Variants in KCNIP1 observed in about 807,000 individuals in gnomAD.
KCNIP1 encodes the protein potassium voltage-gated channel interacting protein 1, also known as A-type potassium channel modulatory protein KCNIP1.
Under a neutral mutation model 33.0 loss-of-function variants are expected in KCNIP1, and 18 were observed. That is an observed-to-expected ratio of 0.55 (90% CI 0.38 to 0.81). The LOEUF (loss-of-function observed/expected upper bound fraction) is 0.81. KCNIP1 is among the 30% of genes least tolerant of loss of function. The pLI, the probability that KCNIP1 is intolerant of heterozygous loss-of-function variation, is 0.00. For missense variants in KCNIP1, 238 were observed against 271.6 expected (o/e 0.88, Z 0.87); for synonymous variants, 93 against 98.3 (o/e 0.95, Z 0.32).
intron 1 of KCNIP1, among the ~76,000 whole-genome samples, chr5:170,634,756 G>T (rs542817211): frequency 1.3e-5 from 2 of 152,322 alleles, no homozygotes; most frequent in Non-Finnish European, 1.5e-5. Context: ...TGTCCTGAAA[G>T]CCAAAAAGAG....
chr5:170,383,680 T>A, intron 1 of KCNIP1: 1 of 1,614,128 alleles, frequency 6.2e-7, no homozygotes, highest in South Asian at 1.1e-5. Context: ...GTTCAGTACC[T>A]GCTGGTTCTG....
chr5:170,506,499 A>G (rs1162383171), intron 1 of KCNIP1, among the ~76,000 whole-genome samples: 1 of 152,132 alleles, frequency 6.6e-6, no homozygotes, highest in East Asian at 1.9e-4. Context: ...AAGAGCTCAG[A>G]CATTGCTGTC....
intron 1 of KCNIP1, chr5:170,383,870 G>A (rs1304177598): frequency 6.2e-7 from 1 of 1,612,156 alleles, no homozygotes; most frequent in South Asian, 1.1e-5. Context: ...CCACACACAT[G>A]CACACATACA....
chr5:170,395,581 G>T (rs1754738201), intron 1 of KCNIP1, among the ~76,000 whole-genome samples: 1 of 152,198 alleles, frequency 6.6e-6, no homozygotes, highest in Admixed American at 6.5e-5. Flanking sequence ...CATTTTTCAT[G>T]AATGGACAGG....
At chr5:170,390,517 A>AAAAAAAAAAAAATATATATATAT in intron 1 of KCNIP1, among the ~76,000 whole-genome samples, 1,046 of 73,414 alleles carry the variant, frequency 0.014, 93 homozygotes, top group Non-Finnish European at 0.022. Flanking sequence ...AAAAAAAACA[A>AAAAAAAAAAAAATATATATATAT]ATATATATAT....
At chr5:170,522,023 C>T (rs1755380740) in intron 1 of KCNIP1, among the ~76,000 whole-genome samples, 1 of 152,184 alleles carries the variant, frequency 6.6e-6, no homozygotes. Context: ...CTTGGAGAAG[C>T]ACATGATATA....
At chr5:170,560,548 G>C (rs894586419) in intron 1 of KCNIP1, among the ~76,000 whole-genome samples, 2 of 152,144 alleles carry the variant, frequency 1.3e-5, no homozygotes, top group African/African-American at 4.8e-5. Context: ...TCACACAGCA[G>C]TGTTGTGCCC....
At chr5:170,499,576 A>G (rs1017975075), upstream of KCNIP1, among the ~76,000 whole-genome samples, 1 of 152,216 alleles carries the variant, frequency 6.6e-6, no homozygotes, top group African/African-American at 2.4e-5. Flanking sequence ...GCAGCCTCCC[A>G]AATTAATGCT....
chr5:170,504,524 G>A lies in KCNIP1; in HGVS notation c.-49G>A. Reference sequence around the variant, plus strand: ...CCACGGGGATTTCTTTCCAGGGTAGGGGAGGGGCCGGGCCCGGGGTCCCAA... The same window carrying A: ...CCACGGGGATTTCTTTCCAGGGTAGAGGAGGGGCCGGGCCCGGGGTCCCAA... On this transcript the variant is annotated 5_prime_UTR_variant, in exon 1 of 8. Transcript: ENST00000328939. The surrounding 1 kb of genome is among the most constrained non-coding windows in gnomAD (Gnocchi z 6.0). The A allele has an allele frequency of 6.2e-7, 1 of 1,610,340 alleles. No homozygotes were observed.
intron 1 of KCNIP1, among the ~76,000 whole-genome samples, chr5:170,635,915 G>A (rs547467954): frequency 2.9e-4 from 44 of 152,322 alleles, no homozygotes; most frequent in Admixed American, 1.6e-3. Context: ...GGTGCAGGTG[G>A]CAGTGGCAGG....
intron 1 of KCNIP1, among the ~76,000 whole-genome samples, chr5:170,470,465 C>T (rs1274366940): frequency 2.0e-5 from 3 of 152,036 alleles, no homozygotes; most frequent in African/African-American, 7.2e-5. Context: ...TCTGCCCACC[C>T]GGCACAGTGC....
At position 170,379,067 on chromosome 5, in the gene KCNIP1, G is replaced by T. The variant is rs1202766291; in HGVS notation, c.88+25103G>T. On this transcript the variant is annotated intron_variant, in intron 1 of 7. Coordinates refer to the KCNIP1 transcript ENST00000377360. ...AGTAAAGAAAAATACCAGCTTTGTAGTCGGGCCCCTGGATTGGAGTCGGGG... is the reference window on the plus strand; with the variant it reads ...AGTAAAGAAAAATACCAGCTTTGTATTCGGGCCCCTGGATTGGAGTCGGGG... The T allele has an allele frequency of 7.5e-6, 11 of 1,457,290 alleles. No homozygotes were observed. The African/African-American group carries it at 9.9e-5, about 13-fold the overall frequency. The allele number at this position is 1,457,290 out of a possible 1,614,324, so 90.3% of individuals were successfully genotyped here. A position where few individuals can be genotyped will look rare whatever the true frequency, so the allele number is the denominator to read the frequency against.
At chr5:170,573,167 T>C (rs1401488513) in intron 1 of KCNIP1, among the ~76,000 whole-genome samples, 1 of 152,200 alleles carries the variant, frequency 6.6e-6, no homozygotes, top group Non-Finnish European at 1.5e-5. Flanking sequence ...ACAATTTCTT[T>C]TGCAGAAACT....
At chr5:170,579,008 G>A (rs555401648) in intron 1 of KCNIP1, among the ~76,000 whole-genome samples, 2 of 152,306 alleles carry the variant, frequency 1.3e-5, no homozygotes, top group African/African-American at 2.4e-5. Flanking sequence ...AATGGCAGGA[G>A]TAAGTGTATC....
chr5:170,430,300 G>A (rs946478748), intron 1 of KCNIP1, among the ~76,000 whole-genome samples: 58 of 152,168 alleles, frequency 3.8e-4, no homozygotes, highest in Non-Finnish European at 6.3e-4. Flanking sequence ...ATTTATGGTC[G>A]GGGCCACATG....
intron 1 of KCNIP1, among the ~76,000 whole-genome samples, chr5:170,672,898 A>T (rs1020457583): frequency 6.6e-6 from 1 of 152,256 alleles, no homozygotes; most frequent in African/African-American, 2.4e-5. Context: ...GGTGAAACAG[A>T]TGGATAGCAA....
At chr5:170,594,881 C>T (rs978271579) in intron 1 of KCNIP1, among the ~76,000 whole-genome samples, 5 of 152,174 alleles carry the variant, frequency 3.3e-5, no homozygotes, top group African/African-American at 1.2e-4. Flanking sequence ...AAAGTAGGGC[C>T]TTCCACGGTG....
intron 1 of KCNIP1, among the ~76,000 whole-genome samples, chr5:170,609,690 T>C (rs1460465221): frequency 1.3e-5 from 2 of 151,742 alleles, no homozygotes. Context: ...AAACAAAAAA[T>C]AAAAATAATA....
intron 1 of KCNIP1, among the ~76,000 whole-genome samples, chr5:170,572,882 T>C (rs1042123516): frequency 2.0e-5 from 3 of 152,260 alleles, no homozygotes; most frequent in African/African-American, 7.2e-5. Context: ...CCACTATCCA[T>C]GGAATGTTTA....
Sources: allele counts gnomAD v4.1 joint callset (sites outside exome capture counted in the v4.1 genomes callset), GRCh38; gene constraint gnomAD v4.1.1; non-coding constraint Gnocchi (gnomAD v3.1); transcripts MANE v1.5; gene names NCBI Gene and HGNC (gene_info 2026-07-23, HGNC 2026-07-21).